The following EPAS1 variants were observed in gnomAD, a reference collection of about 807,000 sequenced individuals.
The protein encoded by EPAS1 is endothelial PAS domain protein 1.
Under a neutral mutation model 87.9 loss-of-function variants are expected in EPAS1, and 23 were observed. That is an observed-to-expected ratio of 0.26 (90% confidence interval 0.19 to 0.37). EPAS1 has a LOEUF of 0.37. Among genes scored for constraint, EPAS1 ranks in the 10% least tolerant of loss-of-function variants. The pLI is 1.00. For missense variants in EPAS1, 1,138 were observed against 1,120.7 expected, an observed-to-expected ratio of 1.02 and a Z score of -0.22; for synonymous variants, 508 against 444.3, an observed-to-expected ratio of 1.14 and a Z score of -1.80.
chr2:46,334,441 G>A (rs1009188315), intron 1 of EPAS1, among the ~76,000 whole-genome samples: 1 of 152,168 alleles, frequency 6.6e-6, no homozygotes. Flanking sequence ...TTCCCAGTGT[G>A]TCTTTGTCAT....
chr2:46,344,639 GGTCTAAT>G (rs2104869720), intron 1 of EPAS1, among the ~76,000 whole-genome samples: 1 of 152,246 alleles, frequency 6.6e-6, no homozygotes, highest in South Asian at 2.1e-4. Flanking sequence ...TGCCACTAAA[GGTCTAAT>G]CAGGGCAAGT....
At chr2:46,337,877 A>C (rs1398021673) in intron 1 of EPAS1, among the ~76,000 whole-genome samples, 1 of 152,122 alleles carries the variant, frequency 6.6e-6, no homozygotes. Flanking sequence ...TTTTCTTTTA[A>C]AGACAGACTT....
rs564445753 is a variant in EPAS1, at chr2:46,351,384, A to G, written c.217+4321A>G. 2.0e-5 allele frequency among the ~76,000 whole-genome samples: 3 copies of G among 152,330 alleles called. No homozygotes were observed. The South Asian group carries it at 6.2e-4, about 32-fold the overall frequency. On this transcript the variant is annotated intron_variant, in intron 2 of 15. Coordinates refer to ENST00000263734, the MANE Select transcript of EPAS1 (RefSeq NM_001430.5). Reference sequence around the variant, plus strand: ...CATGAATCTCTCCTAGTGGACTTTCAGGACTCTCAGGGAGCCCAGGAAGAT... The same window carrying G: ...CATGAATCTCTCCTAGTGGACTTTCGGGACTCTCAGGGAGCCCAGGAAGAT...
intron 2 of EPAS1, among the ~76,000 whole-genome samples, chr2:46,350,979 C>T (rs1243343421): frequency 2.0e-5 from 3 of 152,134 alleles, no homozygotes; most frequent in African/African-American, 7.2e-5. Flanking sequence ...ATGACCTTTC[C>T]ATGCAGGAAA....
intron 1 of EPAS1, among the ~76,000 whole-genome samples, chr2:46,318,181 T>TAC (rs59285248): frequency 0.11 from 17,026 of 150,618 alleles, 1,734 homozygotes; most frequent in African/African-American, 0.27. Flanking sequence ...GAGAGAGAGA[T>TAC]ACACACACAC....
intron 1 of EPAS1, among the ~76,000 whole-genome samples, chr2:46,303,998 A>C (rs1683060686): frequency 6.6e-6 from 1 of 152,220 alleles, no homozygotes; most frequent in African/African-American, 2.4e-5. Context: ...CGGGAAGCCA[A>C]GTGCCCTGCA....
intron 4 of EPAS1, among the ~76,000 whole-genome samples, chr2:46,359,043 G>A (rs890617470): frequency 8.6e-5 from 13 of 151,864 alleles, no homozygotes; most frequent in Non-Finnish European, 7.4e-5. Context: ...GGTGGATCAC[G>A]AGATCAAGAG....
At chr2:46,344,596 T>C (rs1057370203) in intron 1 of EPAS1, among the ~76,000 whole-genome samples, 2 of 152,122 alleles carry the variant, frequency 1.3e-5, no homozygotes, top group Non-Finnish European at 2.9e-5. Flanking sequence ...AGGTCAGGAT[T>C]AAAATGCACG....
At chr2:46,319,165 T>C (rs1683405990) in intron 1 of EPAS1, among the ~76,000 whole-genome samples, 1 of 152,244 alleles carries the variant, frequency 6.6e-6, no homozygotes, top group South Asian at 2.1e-4. Context: ...TAGGCCTTTC[T>C]CTAGGCTTAG....
intron 1 of EPAS1, among the ~76,000 whole-genome samples, chr2:46,333,909 T>C (rs1683735729): frequency 6.6e-6 from 1 of 151,890 alleles, no homozygotes; most frequent in Admixed American, 6.6e-5. Flanking sequence ...TCTGTGGAAA[T>C]AAATAAAACA....
rs1035539453 is a variant in EPAS1, at chr2:46,300,127, G to C, written c.26+2190G>C. On this transcript the variant is annotated intron_variant, in intron 1 of 15. Transcript: ENST00000263734. The surrounding 1 kb of genome is among the most constrained non-coding windows in gnomAD (Gnocchi z 4.1). ...AGTTTGAGACTCATTTACTTTTCGT[G>C]CCTGGGTCTGTTTGCTGGCTGCAGG... 6.6e-6 allele frequency among the ~76,000 whole-genome samples: 1 copy of C among 152,200 alleles called. No homozygotes were observed. Among genetic ancestry groups the C allele is most frequent in the African/African-American group, 2.4e-5 (1 of 41,450 alleles).
intron 7 of EPAS1, among the ~76,000 whole-genome samples, chr2:46,370,824 C>T (rs1477765661): frequency 2.0e-5 from 3 of 152,308 alleles, no homozygotes; most frequent in Non-Finnish European, 4.4e-5. Flanking sequence ...CAGGACCGTT[C>T]CCTTGAATCC....
chr2:46,368,235 A>G (rs904069750), intron 6 of EPAS1, among the ~76,000 whole-genome samples: 1 of 152,154 alleles, frequency 6.6e-6, no homozygotes, highest in Non-Finnish European at 1.5e-5. Context: ...GAGGAACTGG[A>G]GAGGGCTCTG....
chr2:46,357,299 G>C (rs1482588714), intron 4 of EPAS1, among the ~76,000 whole-genome samples: 1 of 152,182 alleles, frequency 6.6e-6, no homozygotes. Flanking sequence ...TCATCTGGGG[G>C]CCAGACTAGG....
At chr2:46,378,899 C>T (rs1684819722) in intron 11 of EPAS1, 132 bp downstream of exon 11, 2 of 836,408 alleles carry the variant, frequency 2.4e-6, no homozygotes, top group Non-Finnish European at 4.0e-6. Flanking sequence ...GGCCCAGGTC[C>T]CCTAAAGAGG....
intron 15 of EPAS1, 87 bp downstream of exon 15, chr2:46,382,685 G>C (rs1228763998): frequency 4.5e-6 from 7 of 1,545,926 alleles, no homozygotes; most frequent in Non-Finnish European, 1.8e-6. Flanking sequence ...CGTCTGCACA[G>C]TGCCAGGCAC....
At chr2:46,337,443 TC>T (rs1189345577) in intron 1 of EPAS1, among the ~76,000 whole-genome samples, 1 of 152,086 alleles carries the variant, frequency 6.6e-6, no homozygotes, top group Admixed American at 6.5e-5. Flanking sequence ...AGTAGCTAAG[TC>T]CCCCCTAGAG....
At chr2:46,322,848 A>G (rs1045222077) in intron 1 of EPAS1, among the ~76,000 whole-genome samples, 3 of 152,192 alleles carry the variant, frequency 2.0e-5, no homozygotes, top group African/African-American at 7.2e-5. Context: ...ATATTAATCA[A>G]TCACAGCACC....
intron 1 of EPAS1, among the ~76,000 whole-genome samples, chr2:46,338,684 T>C (rs369139825): frequency 4.6e-5 from 7 of 152,226 alleles, no homozygotes; most frequent in African/African-American, 1.7e-4. Flanking sequence ...TTAGCACAGC[T>C]GGTCTTCTCT....
Sources: gnomAD v4.1 joint callset for allele counts (sites outside exome capture counted in the v4.1 genomes callset) on GRCh38, gnomAD v4.1.1 for gene constraint, Gnocchi (gnomAD v3.1) non-coding constraint, MANE v1.5 for transcripts, NCBI Gene and HGNC (gene_info 2026-07-23, HGNC 2026-07-21) for gene names.